Variants in FAT4 observed in about 807,000 individuals in gnomAD.
FAT4 encodes protocadherin Fat 4.
FAT4 carries 84 observed loss-of-function variants against 303.9 expected under a neutral mutation model. That is an observed-to-expected ratio of 0.28 (90% CI 0.23 to 0.33). FAT4 has a LOEUF of 0.33. Among genes scored for constraint, FAT4 ranks in the 10% least tolerant of loss-of-function variants. The pLI is 1.00. For synonymous variants in FAT4, 2,307 were observed against 2,298.8 expected, an observed-to-expected ratio of 1.00 and a Z score of -0.10; for missense variants, 6,005 against 6,146.8, an observed-to-expected ratio of 0.98 and a Z score of 0.77.
intron 5 of FAT4, among the ~76,000 whole-genome samples, chr4:125,411,663 G>A (rs1734846324): frequency 6.7e-6 from 1 of 149,914 alleles, no homozygotes; most frequent in African/African-American, 2.4e-5. Flanking sequence ...TATAGATTGT[G>A]AGTAAATATA....
intron 3 of FAT4, among the ~76,000 whole-genome samples, chr4:125,405,115 CT>C (rs1734541353): frequency 6.6e-6 from 1 of 151,750 alleles, no homozygotes; most frequent in Non-Finnish European, 1.5e-5. Flanking sequence ...CATATTGGCA[CT>C]TGGAAATGTT....
intron 2 of FAT4, among the ~76,000 whole-genome samples, chr4:125,376,674 C>T (rs1268827114): frequency 2.0e-5 from 3 of 151,998 alleles, no homozygotes; most frequent in Non-Finnish European, 4.4e-5. Flanking sequence ...CTGAGATAGG[C>T]GGATCACCTG....
At position 125,415,151 on chromosome 4, in the gene FAT4, C is replaced by T. The variant is rs1043464331; in HGVS notation, c.6188C>T (p.Thr2063Ile). The change falls in exon 6 of 18, where the codon ACA becomes ATA. Residue 2063 changes from threonine to isoleucine, a missense_variant. Thr to Ile is a moderately conservative substitution (Grantham distance 89). Coordinates refer to ENST00000394329, the MANE Select transcript of FAT4 (RefSeq NM_001291303.3). ...SPKLTYIPEN[T>I]PIDTVVFKAQ... ...AAATTGACATACATTCCAGAAAATA[C>T]ACCTATTGATACTGTTGTTTTCAAA... The T allele has an allele frequency of 3.1e-6, 5 of 1,613,906 alleles. No homozygotes were observed. In the African/African-American group the frequency reaches 5.3e-5, roughly 17 times the overall value.
rs117832821 is a variant in FAT4, at chr4:125,365,162, C to T, written c.5176-33622C>T. Reference sequence around the variant, plus strand: ...AAGTGGATGATGAGTTAGGGAATACCGGATGAGGAGTCATAACAAGAAGAC... The same window carrying T: ...AAGTGGATGATGAGTTAGGGAATACTGGATGAGGAGTCATAACAAGAAGAC... On this transcript the variant is annotated intron_variant, in intron 2 of 17. Transcript: ENST00000394329. Among the ~76,000 whole-genome samples the T allele has an allele frequency of 4.9e-3, 751 of 152,128 alleles. 29 individuals are homozygous for T. The South Asian group carries it at 0.07, about 14-fold the overall frequency.
intron 2 of FAT4, among the ~76,000 whole-genome samples, chr4:125,334,577 A>G (rs1044429775): frequency 6.6e-6 from 1 of 152,156 alleles, no homozygotes; most frequent in Non-Finnish European, 1.5e-5. Context: ...TTAATTTCAA[A>G]TTTTTTAACA....
At chr4:125,331,613 T>C (rs564869327) in intron 2 of FAT4, among the ~76,000 whole-genome samples, 1 of 152,312 alleles carries the variant, frequency 6.6e-6, no homozygotes, top group South Asian at 2.1e-4. Flanking sequence ...CAGTGTATGC[T>C]ACACCATCTC....
chr4:125,399,324 A>G (rs1355802674), intron 3 of FAT4, among the ~76,000 whole-genome samples: 1 of 151,992 alleles, frequency 6.6e-6, no homozygotes. Flanking sequence ...TAAGGTTTAG[A>G]TTACTATTTT....
At chr4:125,468,472 A>T (rs6814158) in intron 11 of FAT4, 40 bp from the exon 12 acceptor site, 87 of 1,350,180 alleles carry the variant, frequency 6.4e-5, no homozygotes, top group Non-Finnish European at 8.2e-5. Context: ...TAAAATTTTC[A>T]TGAAATTTTA....
At position 125,316,292 on chromosome 4, in the gene FAT4, G is replaced by C; in HGVS notation, c.-12-108G>C. 7.5e-7 allele frequency: 1 copy of C among 1,337,220 alleles called. No homozygotes were observed. Among genetic ancestry groups the C allele is most frequent in the Non-Finnish European group, 1.0e-6 (1 of 987,706 alleles). 82.8% of individuals were successfully genotyped at this position (1,337,220 alleles called of 1,614,324 possible). A position where few individuals can be genotyped will look rare whatever the true frequency, so the allele number is the denominator to read the frequency against. On this transcript the variant is annotated intron_variant, in intron 1 of 17. Transcript: ENST00000394329. The surrounding 1 kb of genome is among the most constrained non-coding windows in gnomAD (Gnocchi z 5.7). ...GGACTGGAGGTTCTTTGAAATAGCAGAGGTCTCAGACCAAGCCGTCAGCTG... is the reference window on the plus strand; with the variant it reads ...GGACTGGAGGTTCTTTGAAATAGCACAGGTCTCAGACCAAGCCGTCAGCTG...
rs759350135 is a variant in FAT4, at chr4:125,320,262, T to C, written c.3851T>C (p.Val1284Ala). The C allele has an allele frequency of 6.2e-7, 1 of 1,614,206 alleles. No individual in the cohort carries two copies. The highest frequency in any genetic ancestry group is 1.1e-5 in the South Asian group (1 of 91,088). The change falls in exon 2 of 18, where the codon GTA becomes GCA. Residue 1284 changes from valine to alanine, a missense_variant. By Grantham distance (64) the Val-to-Ala change is moderately conservative (BLOSUM62 0). Coordinates refer to ENST00000394329, the MANE Select transcript of FAT4 (RefSeq NM_001291303.3). ...DYEATPAYSL[V>A]IQAVDSGTIP... ...GAAGCAACACCTGCCTATTCCCTTGTAATTCAAGCAGTGGATTCAGGGACA... is the reference window on the plus strand; with the variant it reads ...GAAGCAACACCTGCCTATTCCCTTGCAATTCAAGCAGTGGATTCAGGGACA...
At chr4:125,388,931 G>C (rs529947569) in intron 2 of FAT4, among the ~76,000 whole-genome samples, 96 of 152,112 alleles carry the variant, frequency 6.3e-4, no homozygotes, top group Non-Finnish European at 1.2e-3. Flanking sequence ...AGTAAGAAAT[G>C]CATCAAAATC....
At chr4:125,355,783 A>G (rs1732400948) in intron 2 of FAT4, among the ~76,000 whole-genome samples, 1 of 151,944 alleles carries the variant, frequency 6.6e-6, no homozygotes, top group Non-Finnish European at 1.5e-5. Flanking sequence ...GTGGAAGAGA[A>G]AAAACATATG....
In FAT4 at chr4:125,487,624, G is replaced by A; in HGVS notation, c.13084+18G>A. ...CCAAACAGGTAAATGCCTTTATTAA[G>A]TAGAGTCACAAGGGAAGTAAAATTG... On this transcript the variant is annotated intron_variant, in intron 17 of 17. Coordinates refer to ENST00000394329, the MANE Select transcript of FAT4 (RefSeq NM_001291303.3). The A allele has an allele frequency of 6.4e-7, 1 of 1,573,678 alleles. No individual in the cohort carries two copies. The highest frequency in any genetic ancestry group is 8.6e-7 in the Non-Finnish European group (1 of 1,159,446).
intron 5 of FAT4, among the ~76,000 whole-genome samples, chr4:125,411,052 C>T (rs1357171073): frequency 6.6e-6 from 1 of 151,966 alleles, no homozygotes; most frequent in South Asian, 2.1e-4. Context: ...AAGTGTTTCA[C>T]AGACAATATT....
intron 8 of FAT4, among the ~76,000 whole-genome samples, chr4:125,444,668 T>A (rs1725765772): frequency 4.7e-4 from 1 of 2,124 alleles, no homozygotes; most frequent in African/African-American, 5.2e-4. Flanking sequence ...TGAAAATTTA[T>A]GTTTTTTATC....
chr4:125,466,907 T>C (rs1327669394), intron 11 of FAT4, among the ~76,000 whole-genome samples: 1 of 151,912 alleles, frequency 6.6e-6, no homozygotes, highest in Non-Finnish European at 1.5e-5. Flanking sequence ...CCCGAGTAGC[T>C]GTGACTGCAG....
chr4:125,363,536 G>T (rs1732751783), intron 2 of FAT4, among the ~76,000 whole-genome samples: 1 of 150,430 alleles, frequency 6.6e-6, no homozygotes. Context: ...TTGCTGTATT[G>T]CCAGCCTGGA....
chr4:125,406,987 A>G lies in FAT4; in HGVS notation c.5415A>G (p.Glu1805=), dbSNP rs551837507. The change falls in exon 4 of 18, where the codon GAA becomes GAG. Residue 1805 remains glutamate (E), a synonymous_variant. Transcript: ENST00000394329. ...TAGCAACCAGGCGGTTGGACAGGGA[A>G]CGCCGCTCCAAATATTCACTGCTAG... is the stretch of plus-strand genomic sequence containing the variant. The part of the protein sequence containing the change: ...DLIATRRLDR[E]RRSKYSLLVR... The G allele has an allele frequency of 1.3e-4, 207 of 1,613,798 alleles. No homozygotes were observed. Among genetic ancestry groups the G allele is most frequent in the Non-Finnish European group, 1.7e-4 (196 of 1,179,858 alleles).
At chr4:125,443,267 A>T (rs1725720008) in intron 8 of FAT4, among the ~76,000 whole-genome samples, 1 of 152,160 alleles carries the variant, frequency 6.6e-6, no homozygotes, top group Non-Finnish European at 1.5e-5. Flanking sequence ...TGAAATAGTA[A>T]TGTATTCTCA....
Sources: gnomAD v4.1 joint callset for allele counts (sites outside exome capture counted in the v4.1 genomes callset) on GRCh38, gnomAD v4.1.1 for gene constraint, Gnocchi (gnomAD v3.1) non-coding constraint, MANE v1.5 for transcripts, NCBI Gene and HGNC (gene_info 2026-07-23, HGNC 2026-07-21) for gene names.